CPED1: variants seen among roughly 807,000 people sequenced by gnomAD.
CPED1 encodes the protein cadherin like and PC-esterase domain containing 1.
A neutral mutation model predicts 128.2 loss-of-function variants in CPED1; 114 were observed. The observed-to-expected ratio is 0.89, with a 90% CI of 0.76 to 1.04. The LOEUF (loss-of-function observed/expected upper bound fraction) is 1.04. CPED1 is among the 50% of genes least tolerant of loss of function. CPED1 has a pLI of 0.00. For synonymous variants in CPED1, 462 were observed against 426.7 expected (o/e 1.08, Z -1.02); for missense variants, 1,211 against 1,207.1 (o/e 1.00, Z -0.05).
intron 16 of CPED1, among the ~76,000 whole-genome samples, chr7:121,168,865 C>G (rs997716694): frequency 3.3e-5 from 5 of 152,044 alleles, no homozygotes; most frequent in Non-Finnish European, 7.4e-5. Context: ...TTCTTAGAAA[C>G]AAGACTATTT....
chr7:121,198,492 G>C (rs1797318551), intron 16 of CPED1, among the ~76,000 whole-genome samples: 1 of 152,114 alleles, frequency 6.6e-6, no homozygotes, highest in Non-Finnish European at 1.5e-5. Flanking sequence ...CTGATTGGAA[G>C]CACCTGCAGT....
chr7:121,061,028 A>G (rs1475589583), intron 4 of CPED1: 1 of 152,200 alleles, frequency 6.6e-6, no homozygotes, highest in Non-Finnish European at 1.5e-5. Context: ...CTCCTGAGCC[A>G]GCGAGACCAC....
At chr7:121,098,696 C>T (rs1794757382) in intron 6 of CPED1, among the ~76,000 whole-genome samples, 1 of 148,308 alleles carries the variant, frequency 6.7e-6, no homozygotes, top group South Asian at 2.1e-4. Flanking sequence ...TGCACCACTT[C>T]ACTCCAGCCT....
chr7:121,281,479 C>G (rs934803191), intron 22 of CPED1, among the ~76,000 whole-genome samples: 8 of 152,148 alleles, frequency 5.3e-5, no homozygotes, highest in African/African-American at 1.7e-4. Context: ...TCTAAAATGT[C>G]TCTGTACCCA....
intron 3 of CPED1, among the ~76,000 whole-genome samples, chr7:121,024,420 C>G (rs1344496954): frequency 1.3e-5 from 2 of 152,148 alleles, no homozygotes; most frequent in African/African-American, 4.8e-5. Flanking sequence ...TTAGCTCTTA[C>G]AACTGAAAAT....
chr7:121,231,111 C>G (rs1371206339), intron 16 of CPED1, among the ~76,000 whole-genome samples: 1 of 151,944 alleles, frequency 6.6e-6, no homozygotes, highest in African/African-American at 2.4e-5. Flanking sequence ...AAGGGCATGA[C>G]TATAGAAAAG....
chr7:121,128,027 G>A (rs1795552367), intron 10 of CPED1, among the ~76,000 whole-genome samples: 1 of 152,108 alleles, frequency 6.6e-6, no homozygotes, highest in African/African-American at 2.4e-5. Flanking sequence ...GAATTATAAT[G>A]CTATTTTTTT....
chr7:121,258,506 A>G (rs10225276), intron 18 of CPED1, among the ~76,000 whole-genome samples: 63,139 of 151,978 alleles, frequency 0.42, 13,570 homozygotes, highest in Middle Eastern at 0.52. Flanking sequence ...CTTTGAAAGA[A>G]GTTAATTGAA....
At chr7:121,030,923 C>T (rs146356769) in intron 3 of CPED1, among the ~76,000 whole-genome samples, 135 of 152,118 alleles carry the variant, frequency 8.9e-4, no homozygotes, top group African/African-American at 3.1e-3. Flanking sequence ...ACTTCTAGTC[C>T]ATAAGGTAGA....
intron 4 of CPED1, chr7:121,050,716 G>A (rs1793327662): frequency 1.6e-5 from 7 of 428,390 alleles, no homozygotes; most frequent in South Asian, 8.2e-5. Flanking sequence ...CCACCGCCTC[G>A]GCCTCCCAAA....
intron 7 of CPED1, among the ~76,000 whole-genome samples, chr7:121,123,748 T>A (rs1050149384): frequency 6.6e-6 from 1 of 152,152 alleles, no homozygotes; most frequent in Non-Finnish European, 1.5e-5. Context: ...AACAGGACAC[T>A]GGGATTCTCT....
At chr7:121,005,367 G>C (rs1255405761) in intron 2 of CPED1, among the ~76,000 whole-genome samples, 1 of 152,140 alleles carries the variant, frequency 6.6e-6, no homozygotes, top group Non-Finnish European at 1.5e-5. Flanking sequence ...CTTTGCTATT[G>C]TGAACAGTGC....
At chr7:121,001,772 C>A (rs1651168292) in intron 2 of CPED1, among the ~76,000 whole-genome samples, 1 of 152,088 alleles carries the variant, frequency 6.6e-6, no homozygotes, top group South Asian at 2.1e-4. Flanking sequence ...TGACCATGGA[C>A]AAGTGACTTC....
intron 4 of CPED1, among the ~76,000 whole-genome samples, chr7:121,055,707 A>G (rs1429252117): frequency 6.6e-6 from 1 of 151,794 alleles, no homozygotes; most frequent in Admixed American, 6.6e-5. Flanking sequence ...CAAGGCCCAT[A>G]GTCAATACTT....
chr7:121,124,555 CTT>C lies in CPED1; in HGVS notation c.1061+83_1061+84del, dbSNP rs1795459832. On this transcript the variant is annotated intron_variant, in intron 8 of 22. Transcript: ENST00000310396. ...TTAAAAATTGTTGGTGGAAATGTAT[CTT>C]AATTATCATAAGTAGGTGGTACTTG... 6 of 1,121,800 alleles carry C rather than the reference CTT, an allele frequency of 5.3e-6. No individual in the cohort carries two copies. In the East Asian group the frequency reaches 1.7e-4, roughly 32 times the overall value. 69.5% of individuals were successfully genotyped at this position (1,121,800 alleles called of 1,614,324 possible).
At chr7:121,061,307 C>T in intron 4 of CPED1, 1 of 433,994 alleles carries the variant, frequency 2.3e-6, no homozygotes, top group Non-Finnish European at 3.1e-6. Flanking sequence ...TTTATCAGTG[C>T]ATTGTAATTC....
At chr7:121,122,215 A>G (rs1305145563) in intron 7 of CPED1, among the ~76,000 whole-genome samples, 1 of 143,014 alleles carries the variant, frequency 7.0e-6, no homozygotes, top group Non-Finnish European at 1.5e-5. Flanking sequence ...ATCTCGGATC[A>G]CTACAGCATC....
chr7:121,248,483 C>A (rs574728563), intron 18 of CPED1, among the ~76,000 whole-genome samples: 21 of 151,664 alleles, frequency 1.4e-4, no homozygotes, highest in African/African-American at 4.8e-4. Flanking sequence ...CAGAGGAGCC[C>A]TGTGGCTGAG....
intron 16 of CPED1, among the ~76,000 whole-genome samples, chr7:121,215,608 A>G (rs1797742754): frequency 6.6e-6 from 1 of 152,086 alleles, no homozygotes. Flanking sequence ...ACAGTTTTTA[A>G]TAAATGTATT....
Sources: allele counts gnomAD v4.1 joint callset (sites outside exome capture counted in the v4.1 genomes callset), GRCh38; gene constraint gnomAD v4.1.1; transcripts MANE v1.5; gene names NCBI Gene and HGNC (gene_info 2026-07-23, HGNC 2026-07-21).